SDCCAG8: variants seen among roughly 807,000 people sequenced by gnomAD.
SDCCAG8 encodes SHH signaling and ciliogenesis regulator SDCCAG8, also known as serologically defined colon cancer antigen 8.
Under a neutral mutation model 101.8 loss-of-function variants are expected in SDCCAG8, and 74 were observed. The ratio of observed to expected loss-of-function variants is 0.73; its 90% CI spans 0.60 to 0.88. The LOEUF (loss-of-function observed/expected upper bound fraction) is 0.88. SDCCAG8 is among the 40% of genes least tolerant of loss of function. SDCCAG8 has a pLI of 0.00. For synonymous variants in SDCCAG8, 281 were observed against 292.9 expected (o/e 0.96, Z 0.41); for missense variants, 787 against 822.6 (o/e 0.96, Z 0.53).
At chr1:243,424,520 A>G (rs2081218636) in intron 15 of SDCCAG8, among the ~76,000 whole-genome samples, 1 of 152,136 alleles carries the variant, frequency 6.6e-6, no homozygotes, top group African/African-American at 2.4e-5. Context: ...TTTCTAAATT[A>G]TAAAATGAAA....
intron 12 of SDCCAG8, among the ~76,000 whole-genome samples, chr1:243,350,498 G>A (rs1329318650): frequency 6.6e-6 from 1 of 152,106 alleles, no homozygotes; most frequent in African/African-American, 2.4e-5. Context: ...GATTACAGAC[G>A]TGAGCCACTG....
chr1:243,365,885 A>C (rs1486319315), intron 12 of SDCCAG8, among the ~76,000 whole-genome samples: 2 of 152,094 alleles, frequency 1.3e-5, no homozygotes, highest in Non-Finnish European at 2.9e-5. Flanking sequence ...CATCTGAAGC[A>C]TATGTAGAAG....
chr1:243,294,701 C>T lies in SDCCAG8; in HGVS notation c.675+1482C>T, dbSNP rs993299946. Among the ~76,000 whole-genome samples the T allele has an allele frequency of 2.7e-4, 23 of 85,192 alleles. 2 individuals carry two copies. Among genetic ancestry groups the T allele is most frequent in the African/African-American group, 1.1e-3 (22 of 19,520 alleles). The allele number at this position is 85,192 out of a possible 152,430, so 55.9% of individuals were successfully genotyped here. A position where few individuals can be genotyped will look rare whatever the true frequency, so the allele number is the denominator to read the frequency against. On this transcript the variant is annotated intron_variant, in intron 6 of 17. Coordinates refer to ENST00000366541, the MANE Select transcript of SDCCAG8 (RefSeq NM_006642.5). ...CATACTGTGACTTTCTAAATTCCCCCCCCCCCCCACAGCTGCCTTTGAACG... is the reference window on the plus strand; with the variant it reads ...CATACTGTGACTTTCTAAATTCCCCTCCCCCCCCACAGCTGCCTTTGAACG...
In SDCCAG8 at chr1:243,498,322, G is replaced by A. The variant is rs900235193; in HGVS notation, c.2113-1434G>A. ...TGCAATGGCAGGGCTCTAGGGCATAGTGCATGGGGTGGACTCCTCATGGGC... is the reference window on the plus strand; with the variant it reads ...TGCAATGGCAGGGCTCTAGGGCATAATGCATGGGGTGGACTCCTCATGGGC... On this transcript the variant is annotated intron_variant, in intron 17 of 17. Transcript: ENST00000366541. 6.6e-5 allele frequency among the ~76,000 whole-genome samples: 10 copies of A among 152,242 alleles called. 1 individual carries two copies. The highest frequency in any genetic ancestry group is 1.3e-4 in the Admixed American group (2 of 15,286).
chr1:243,490,215 T>A (rs976011961), intron 17 of SDCCAG8, among the ~76,000 whole-genome samples: 1 of 152,246 alleles, frequency 6.6e-6, no homozygotes, highest in Non-Finnish European at 1.5e-5. Flanking sequence ...GCCAAACATG[T>A]GTTCACAGAC....
chr1:243,300,237 A>G (rs59614702), intron 6 of SDCCAG8, among the ~76,000 whole-genome samples: 6,711 of 152,094 alleles, frequency 0.044, 286 homozygotes, highest in African/African-American at 0.12. Flanking sequence ...ACCAGTATTC[A>G]CTTGATTGCT....
rs1558210767 is a variant in SDCCAG8 at position 243,270,178 on chromosome 1, ACCAAATCTTT to A, written c.143_152del (p.Pro48LeufsTer52). ...GCGATGTCACTATTGGAGAAGATGC[ACCAAATCTTT>A]CTTTTAGCACCAGTGTGGGAAATGA... On this transcript the variant is annotated frameshift_variant, in exon 2 of 18. Coordinates refer to ENST00000366541, the MANE Select transcript of SDCCAG8 (RefSeq NM_006642.5). LOFTEE classifies it high-confidence loss of function. 1.2e-6 allele frequency: 2 copies of A among 1,614,210 alleles called. No homozygotes were observed. The highest frequency in any genetic ancestry group is 1.7e-6 in the Non-Finnish European group (2 of 1,180,034).
chr1:243,337,903 A>G (rs1303534472), intron 10 of SDCCAG8, among the ~76,000 whole-genome samples: 2 of 152,136 alleles, frequency 1.3e-5, no homozygotes, highest in Non-Finnish European at 2.9e-5. Context: ...AATTAATTCC[A>G]TATAATTCCT....
At chr1:243,346,994 C>T (rs2075753987) in intron 12 of SDCCAG8, among the ~76,000 whole-genome samples, 1 of 152,056 alleles carries the variant, frequency 6.6e-6, no homozygotes, top group Non-Finnish European at 1.5e-5. Context: ...AGTCCTATTC[C>T]ATCACTCATC....
At chr1:243,370,727 G>C (rs775754309) in intron 12 of SDCCAG8, among the ~76,000 whole-genome samples, 1 of 152,026 alleles carries the variant, frequency 6.6e-6, no homozygotes, top group Non-Finnish European at 1.5e-5. Context: ...AGCTACGTTA[G>C]CTCTGAGGAA....
chr1:243,317,827 G>A (rs1034841484), intron 9 of SDCCAG8, among the ~76,000 whole-genome samples: 1 of 152,194 alleles, frequency 6.6e-6, no homozygotes, highest in Non-Finnish European at 1.5e-5. Flanking sequence ...TACAATTCAA[G>A]TTCTTAATGG....
chr1:243,315,855 G>A (rs1023742350), intron 8 of SDCCAG8, among the ~76,000 whole-genome samples: 2 of 152,050 alleles, frequency 1.3e-5, no homozygotes, highest in South Asian at 2.1e-4. Context: ...AACAAAACAG[G>A]GAACACCATA....
chr1:243,316,234 T>C (rs2073219953), intron 8 of SDCCAG8, among the ~76,000 whole-genome samples: 1 of 152,118 alleles, frequency 6.6e-6, no homozygotes, highest in African/African-American at 2.4e-5. Context: ...CAACAACAAG[T>C]GTTCATAAGT....
chr1:243,341,550 G>T (rs189719702), intron 11 of SDCCAG8, among the ~76,000 whole-genome samples: 1 of 152,166 alleles, frequency 6.6e-6, no homozygotes, highest in African/African-American at 2.4e-5. Flanking sequence ...ATAGCATAAG[G>T]TTGGTGTTTA....
intron 16 of SDCCAG8, among the ~76,000 whole-genome samples, chr1:243,465,883 T>A (rs1298284685): frequency 1.3e-5 from 2 of 152,226 alleles, no homozygotes; most frequent in African/African-American, 4.8e-5. Context: ...GGTATTATTT[T>A]TAATATCCTG....
At position 243,352,297 on chromosome 1, in the gene SDCCAG8, A is replaced by T. The variant is rs574776293; in HGVS notation, c.1473+7966A>T. 4.6e-5 allele frequency among the ~76,000 whole-genome samples: 7 copies of T among 152,338 alleles called. No homozygotes were observed. In the South Asian group the frequency reaches 1.0e-3, roughly 23 times the overall value. On this transcript the variant is annotated intron_variant, in intron 12 of 17. Transcript: ENST00000366541. ...TTAAGAAATAAATATTTGCCTTTGG[A>T]TGGGAATAGAAAACTGTAAACTGGA...
Position 243,494,858 on chromosome 1 carries a change from T to C in SDCCAG8, c.2113-4898T>C, listed in dbSNP as rs1043099928. On this transcript the variant is annotated intron_variant, in intron 17 of 17. Transcript: ENST00000366541. The stretch of plus-strand genomic sequence containing the variant: ...AAAACACTGAATATTGCATGTAGTG[T>C]AGATAAGTGGTTCTTGCCTTTAAAA... Among the ~76,000 whole-genome samples, 6 of 152,352 alleles carry C rather than the reference T, an allele frequency of 3.9e-5. No homozygotes were observed. In the South Asian group the frequency reaches 8.3e-4, roughly 21 times the overall value.
chr1:243,491,321 TTTC>T (rs1288395485), intron 17 of SDCCAG8, among the ~76,000 whole-genome samples: 7 of 152,240 alleles, frequency 4.6e-5, no homozygotes, highest in African/African-American at 1.4e-4. Flanking sequence ...CAGGTCTTTC[TTTC>T]TTCTTTTGCC....
chr1:243,456,476 C>T (rs1007821757), intron 16 of SDCCAG8, among the ~76,000 whole-genome samples: 2 of 152,170 alleles, frequency 1.3e-5, no homozygotes, highest in Non-Finnish European at 2.9e-5. Flanking sequence ...TTAAAAAATG[C>T]ATGCCTCTGA....
Sources: allele counts gnomAD v4.1 joint callset (sites outside exome capture counted in the v4.1 genomes callset), GRCh38; gene constraint gnomAD v4.1.1; transcripts MANE v1.5; gene names NCBI Gene and HGNC (gene_info 2026-07-23, HGNC 2026-07-21).